The following XYLT1 variants were observed in gnomAD, a reference collection of about 807,000 sequenced individuals.
XYLT1 encodes beta-D-xylosyltransferase 1.
In XYLT1, 36 loss-of-function variants were observed where a neutral mutation model predicts 91.3. That is an observed-to-expected ratio of 0.39 (90% confidence interval 0.30 to 0.52). XYLT1 has a LOEUF of 0.52. XYLT1 is among the 20% of genes least tolerant of loss of function. XYLT1 has a pLI of 0.68. For missense variants in XYLT1, 1,242 were observed against 1,284.5 expected, an observed-to-expected ratio of 0.97 and a Z score of 0.51; for synonymous variants, 588 against 532.0, an observed-to-expected ratio of 1.11 and a Z score of -1.45.
intron 3 of XYLT1, among the ~76,000 whole-genome samples, chr16:17,229,165 G>C (rs1362227921): frequency 6.6e-6 from 1 of 152,044 alleles, no homozygotes; most frequent in Non-Finnish European, 1.5e-5. Flanking sequence ...AGATCTGTTT[G>C]GTTTCTCAAG....
chr16:17,151,867 C>T (rs963871697), intron 6 of XYLT1, among the ~76,000 whole-genome samples: 1 of 152,056 alleles, frequency 6.6e-6, no homozygotes. Flanking sequence ...CTTATATTTC[C>T]CAAGGAGGGC....
intron 1 of XYLT1, chr16:17,446,437 A>G (rs2036592351): frequency 6.6e-6 from 1 of 152,300 alleles, no homozygotes; most frequent in East Asian, 1.9e-4. Context: ...AGGCAGAGAG[A>G]GGGAACCTGA....
intron 11 of XYLT1, 46 bp downstream of exon 11, chr16:17,117,600 C>T (rs1178721319): frequency 1.3e-6 from 2 of 1,571,786 alleles, no homozygotes; most frequent in Admixed American, 1.7e-5. Flanking sequence ...CCTCAAGGTC[C>T]CCAGGGAAGG....
chr16:17,228,118 T>C (rs1451245432), intron 3 of XYLT1: 1 of 152,172 alleles, frequency 6.6e-6, no homozygotes, highest in Non-Finnish European at 1.5e-5. Context: ...TGCTTAGATA[T>C]GGCGGCTGTC....
intron 6 of XYLT1, among the ~76,000 whole-genome samples, chr16:17,147,227 C>G (rs924893215): frequency 1.3e-5 from 2 of 152,202 alleles, no homozygotes; most frequent in Non-Finnish European, 2.9e-5. Flanking sequence ...AAATAAAACC[C>G]TGCCTTGACT....
chr16:17,135,738 C>G (rs745371807), intron 8 of XYLT1, among the ~76,000 whole-genome samples: 9 of 152,314 alleles, frequency 5.9e-5, no homozygotes, highest in Admixed American at 1.3e-4. Flanking sequence ...TAAAGAAATA[C>G]TAAGCACCTG....
intron 2 of XYLT1, among the ~76,000 whole-genome samples, chr16:17,295,021 A>G (rs895329468): frequency 6.6e-6 from 1 of 152,190 alleles, no homozygotes; most frequent in African/African-American, 2.4e-5. Flanking sequence ...AGGGTAGAAG[A>G]GAGAAGTCAG....
intron 3 of XYLT1, among the ~76,000 whole-genome samples, chr16:17,228,433 G>C (rs1046775695): frequency 6.6e-6 from 1 of 152,178 alleles, no homozygotes; most frequent in African/African-American, 2.4e-5. Context: ...TTAATAAGGT[G>C]TCACCTAAAC....
rs148442957 is a variant in XYLT1 at position 17,142,414 on chromosome 16, G to A, written c.1371-1045C>T. ...ATTAAATAACAAGATATCATGGCAG[G>A]TCTATTAAATCCTGTAATTTTTTTT... On this transcript the variant is annotated intron_variant, in intron 6 of 11. Coordinates refer to ENST00000261381, the MANE Select transcript of XYLT1 (RefSeq NM_022166.4). 7.7e-3 allele frequency among the ~76,000 whole-genome samples: 1,147 copies of A among 149,374 alleles called. 11 individuals are homozygous for A. The highest frequency in any genetic ancestry group is 0.013 in the Admixed American group (188 of 14,896).
chr16:17,125,878 C>T (rs543618267), intron 10 of XYLT1, among the ~76,000 whole-genome samples: 5 of 152,248 alleles, frequency 3.3e-5, no homozygotes, highest in African/African-American at 1.2e-4. Flanking sequence ...TGGTGACTAC[C>T]TGCAGAAAGA....
intron 1 of XYLT1, among the ~76,000 whole-genome samples, chr16:17,390,566 T>C (rs1313194788): frequency 6.6e-6 from 1 of 152,190 alleles, no homozygotes; most frequent in African/African-American, 2.4e-5. Flanking sequence ...GTGAAAGAGG[T>C]CTGATCTAAC....
In XYLT1 at chr16:17,138,185, G is replaced by GTAAA. The variant is rs2030824873; in HGVS notation, c.1764+169_1764+170insTTTA. ...TGTGGTTAGAACATCCCTGAAGTAA[G>GTAAA]TGCTCAATAAACACTGGCTATTGTT... On this transcript the variant is annotated intron_variant, in intron 8 of 11. Transcript: ENST00000261381. 7 of 724,200 alleles carry GTAAA rather than the reference G, an allele frequency of 9.7e-6. No individual in the cohort carries two copies. In the South Asian group the frequency reaches 1.1e-4, roughly 11 times the overall value. 44.9% of individuals were successfully genotyped at this position (724,200 alleles called of 1,614,324 possible).
intron 2 of XYLT1, among the ~76,000 whole-genome samples, chr16:17,353,312 G>C (rs1266477358): frequency 1.3e-5 from 2 of 152,146 alleles, no homozygotes; most frequent in African/African-American, 2.4e-5. Flanking sequence ...TTTGAGTGGA[G>C]GCCATTAGCT....
intron 10 of XYLT1, among the ~76,000 whole-genome samples, chr16:17,122,514 A>T (rs545149287): frequency 1.7e-4 from 26 of 152,212 alleles, no homozygotes; most frequent in Non-Finnish European, 3.7e-4. Context: ...ACAGATTGCA[A>T]AGATTTTCTC....
chr16:17,289,711 G>A (rs1467463569), intron 2 of XYLT1, among the ~76,000 whole-genome samples: 1 of 152,106 alleles, frequency 6.6e-6, no homozygotes, highest in African/African-American at 2.4e-5. Flanking sequence ...CTTCAGTTCT[G>A]TACCTAGGAA....
At position 17,141,210 on chromosome 16, in the gene XYLT1, T is replaced by C; in HGVS notation, c.1530A>G (p.Thr510=). The C allele has an allele frequency of 6.2e-7, 1 of 1,614,252 alleles. No individual in the cohort carries two copies. ...GTTTCATCTTGGTCACCAGATCGTC[T>C]GTGGAGAAGGTCACATATTCTACAA... ...RRFVEYVTFS[T]DDLVTKMKQF... Residue 510 remains threonine, a synonymous_variant, in exon 7 of 12, where the codon ACA becomes ACG. Coordinates refer to ENST00000261381, the MANE Select transcript of XYLT1 (RefSeq NM_022166.4).
rs746261989 is a variant in XYLT1, at chr16:17,312,929, T to C, written c.402+45083A>G. Reference sequence around the variant, plus strand: ...GAAAAGGACTTCTAGGTGTCAAATGTAGGTTCCAGACCCATCCCAAAGAAC... The same window carrying C: ...GAAAAGGACTTCTAGGTGTCAAATGCAGGTTCCAGACCCATCCCAAAGAAC... On this transcript the variant is annotated intron_variant, in intron 2 of 11. Transcript: ENST00000261381. This position sits in a 1 kb window ranked among gnomAD's most constrained non-coding sequence, Gnocchi z 4.4. Among the ~76,000 whole-genome samples the C allele has an allele frequency of 6.6e-6, 1 of 152,220 alleles. No homozygotes were observed. The highest frequency in any genetic ancestry group is 1.5e-5 in the Non-Finnish European group (1 of 68,038).
chr16:17,317,046 T>A (rs1472700313), intron 2 of XYLT1, among the ~76,000 whole-genome samples: 2 of 150,848 alleles, frequency 1.3e-5, no homozygotes, highest in Non-Finnish European at 3.0e-5. Flanking sequence ...ATGGTCTCGA[T>A]CTCCTGACCT....
chr16:17,391,491 C>T (rs1296771411), intron 1 of XYLT1, among the ~76,000 whole-genome samples: 1 of 152,202 alleles, frequency 6.6e-6, no homozygotes, highest in Non-Finnish European at 1.5e-5. Flanking sequence ...GAATTAAACT[C>T]TCTCTATTGC....
Sources: allele counts gnomAD v4.1 joint callset (sites outside exome capture counted in the v4.1 genomes callset), GRCh38; gene constraint gnomAD v4.1.1; non-coding constraint Gnocchi (gnomAD v3.1); transcripts MANE v1.5; gene names NCBI Gene and HGNC (gene_info 2026-07-23, HGNC 2026-07-21).